Variants in ZPBP observed in about 807,000 individuals in gnomAD.
ZPBP encodes the protein zona pellucida-binding protein 1.
A neutral mutation model predicts 44.8 loss-of-function variants in ZPBP; 26 were observed. That is an observed-to-expected ratio of 0.58 (90% CI 0.43 to 0.81). The LOEUF (loss-of-function observed/expected upper bound fraction) is 0.81. Among genes scored for constraint, ZPBP ranks in the 30% least tolerant of loss-of-function variants. The pLI, the probability that ZPBP is intolerant of heterozygous loss-of-function variation, is 0.00. For synonymous variants in ZPBP, 174 were observed against 153.2 expected (o/e 1.14, Z -1.00); for missense variants, 409 against 434.0 (o/e 0.94, Z 0.51).
intron 7 of ZPBP, among the ~76,000 whole-genome samples, chr7:49,969,628 G>A (rs1251506493): frequency 6.6e-6 from 1 of 151,534 alleles, no homozygotes; most frequent in Non-Finnish European, 1.5e-5. Flanking sequence ...AACCTGATTA[G>A]AAAAGTATGA....
intron 7 of ZPBP, among the ~76,000 whole-genome samples, chr7:49,982,887 A>G (rs1672375417): frequency 6.6e-6 from 1 of 152,024 alleles, no homozygotes; most frequent in Non-Finnish European, 1.5e-5. Context: ...AGAGCAGCTC[A>G]GATCCTGTAG....
chr7:49,953,670 T>A (rs1487189497), intron 7 of ZPBP, among the ~76,000 whole-genome samples: 4 of 152,066 alleles, frequency 2.6e-5, no homozygotes, highest in Non-Finnish European at 5.9e-5. Context: ...ATTCACAATG[T>A]TGGAATCTAA....
At chr7:49,887,316 T>C (rs1791944731) in intron 2 of ZPBP, among the ~76,000 whole-genome samples, 1 of 152,200 alleles carries the variant, frequency 6.6e-6, no homozygotes, top group Admixed American at 6.5e-5. Context: ...TCTGCATCAT[T>C]TGAAAGATTT....
intron 1 of ZPBP, among the ~76,000 whole-genome samples, chr7:49,904,182 G>C (rs1176933260): frequency 6.6e-6 from 1 of 152,178 alleles, no homozygotes; most frequent in Non-Finnish European, 1.5e-5. Context: ...TATGTCTGCA[G>C]CTCAACTTTA....
At chr7:50,015,102 GA>G (rs1798762393) in intron 6 of ZPBP, among the ~76,000 whole-genome samples, 1 of 151,966 alleles carries the variant, frequency 6.6e-6, no homozygotes, top group Non-Finnish European at 1.5e-5. Flanking sequence ...CATCAAGACA[GA>G]AAAGTCCCAG....
At chr7:50,074,883 A>C (rs754948262) in intron 3 of ZPBP, among the ~76,000 whole-genome samples, 20 of 151,932 alleles carry the variant, frequency 1.3e-4, no homozygotes, top group Non-Finnish European at 2.4e-4. Context: ...ATCAACAAGG[A>C]AACATCAGAC....
intron 4 of ZPBP, among the ~76,000 whole-genome samples, chr7:50,043,166 T>TC (rs1372062536): frequency 6.6e-6 from 1 of 152,240 alleles, no homozygotes; most frequent in Non-Finnish European, 1.5e-5. Flanking sequence ...ATCCCTTGTT[T>TC]CGTCCCATCC....
chr7:50,009,729 C>T lies in ZPBP; in HGVS notation c.783+8511G>A, dbSNP rs568808972. On this transcript the variant is annotated intron_variant, in intron 6 of 7. Transcript: ENST00000046087. ...CTGACGTAATTGTGATAGAAAATCCCAAAGAATGCAAAACAAAACAAAACA... is the reference window on the plus strand; with the variant it reads ...CTGACGTAATTGTGATAGAAAATCCTAAAGAATGCAAAACAAAACAAAACA... Among the ~76,000 whole-genome samples the T allele has an allele frequency of 5.9e-5, 9 of 151,746 alleles. No homozygotes were observed. The South Asian group carries it at 1.9e-3, about 31-fold the overall frequency.
chr7:49,979,981 T>C (rs1294327709), intron 7 of ZPBP, among the ~76,000 whole-genome samples: 8 of 105,884 alleles, frequency 7.6e-5, no homozygotes, highest in African/African-American at 3.0e-4. Flanking sequence ...TATTATATAT[T>C]AATATAATTT....
chr7:49,939,342 T>C (rs1794759939), intron 7 of ZPBP, among the ~76,000 whole-genome samples: 1 of 152,206 alleles, frequency 6.6e-6, no homozygotes, highest in African/African-American at 2.4e-5. Context: ...AATATGACTT[T>C]CTAGTTACTA....
chr7:50,046,376 G>A (rs1337877906), intron 4 of ZPBP, among the ~76,000 whole-genome samples: 2 of 151,594 alleles, frequency 1.3e-5, no homozygotes, highest in African/African-American at 2.4e-5. Flanking sequence ...CAGAATGGGG[G>A]AAAATTTTTG....
intron 2 of ZPBP, among the ~76,000 whole-genome samples, chr7:50,084,164 TG>T (rs1332809772): frequency 4.6e-5 from 7 of 151,784 alleles, no homozygotes; most frequent in African/African-American, 1.7e-4. Context: ...TGGAAAAAGT[TG>T]GGTAAAATTT....
intron 6 of ZPBP, 29 bp from the exon 7 acceptor site, chr7:49,983,548 G>T: frequency 7.2e-7 from 1 of 1,397,128 alleles, no homozygotes; most frequent in Non-Finnish European, 9.9e-7. Flanking sequence ...TTGATAAACT[G>T]TTAGCCATAA....
chr7:50,059,615 G>A (rs1257849413), intron 3 of ZPBP, among the ~76,000 whole-genome samples: 1 of 152,094 alleles, frequency 6.6e-6, no homozygotes, highest in Non-Finnish European at 1.5e-5. Context: ...ATGTAATAAA[G>A]GGTTCTCATG....
chr7:49,872,308 G>C (rs1439399826), intron 2 of ZPBP, among the ~76,000 whole-genome samples: 1 of 152,028 alleles, frequency 6.6e-6, no homozygotes, highest in East Asian at 1.9e-4. Context: ...AACATGAAAG[G>C]TCTTGGATTT....
At chr7:49,868,064 C>T (rs1790988780) in intron 2 of ZPBP, among the ~76,000 whole-genome samples, 9 of 152,176 alleles carry the variant, frequency 5.9e-5, no homozygotes, top group Middle Eastern at 6.8e-3. Context: ...AAACTCCCGA[C>T]CTCAAATGAT....
Position 49,882,438 on chromosome 7 carries a change from T to C in ZPBP, n.509+18680A>G, listed in dbSNP as rs76968819. On this transcript the variant is annotated intron_variant and non_coding_transcript_variant, in intron 2 of 2. Transcript: ENST00000465922. ...TTAGTCTTTTTCCATATACATCCTATATGGAATTTAGATTTTCACTGTAAA... is the reference window on the plus strand; with the variant it reads ...TTAGTCTTTTTCCATATACATCCTACATGGAATTTAGATTTTCACTGTAAA... 8.5e-3 allele frequency among the ~76,000 whole-genome samples: 1,292 copies of C among 152,216 alleles called. 14 individuals are homozygous for C. Among genetic ancestry groups the C allele is most frequent in the Non-Finnish European group, 0.014 (970 of 67,990 alleles).
intron 3 of ZPBP, among the ~76,000 whole-genome samples, chr7:50,071,003 G>T (rs762673459): frequency 5.9e-5 from 9 of 152,054 alleles, no homozygotes; most frequent in Non-Finnish European, 1.0e-4. Context: ...TTTTCTCAGG[G>T]GGAACTGGGT....
rs536349077 is a variant in ZPBP at position 50,083,503 on chromosome 7, T to C, written c.209-1604A>G. On this transcript the variant is annotated intron_variant, in intron 2 of 7. Coordinates refer to ENST00000046087, the MANE Select transcript of ZPBP (RefSeq NM_007009.3). ...TATTTAAGAAGCTCTTCAATACTGA[T>C]TCTAAAATCCATTTGGAAGATTAAA... 2.6e-5 allele frequency among the ~76,000 whole-genome samples: 4 copies of C among 152,126 alleles called. No individual in the cohort carries two copies. In the East Asian group the frequency reaches 5.8e-4, roughly 22 times the overall value.
Sources: allele counts gnomAD v4.1 joint callset (sites outside exome capture counted in the v4.1 genomes callset), GRCh38; gene constraint gnomAD v4.1.1; transcripts MANE v1.5; gene names NCBI Gene and HGNC (gene_info 2026-07-23, HGNC 2026-07-21).